CA10: variants seen among roughly 807,000 people sequenced by gnomAD.
CA10 encodes carbonic anhydrase 10 (inactive), also known as carbonic anhydrase-related protein 10.
Under a neutral mutation model 44.2 loss-of-function variants are expected in CA10, and 14 were observed. The observed-to-expected ratio is 0.32, with a 90% CI of 0.21 to 0.50. The LOEUF (loss-of-function observed/expected upper bound fraction) is 0.50, where lower values mean the gene tolerates loss of function less well. Among genes scored for constraint, CA10 ranks in the 20% least tolerant of loss-of-function variants. The probability of loss-of-function intolerance (pLI) is 0.99; values close to 1 mark genes in which losing one functional copy is unlikely to be tolerated. For missense variants in CA10, 350 were observed against 409.7 expected (o/e 0.85, Z 1.26); for synonymous variants, 159 against 141.6 (o/e 1.12, Z -0.87).
chr17:51,719,730 T>C (rs1916289677), intron 4 of CA10, among the ~76,000 whole-genome samples: 1 of 151,312 alleles, frequency 6.6e-6, no homozygotes, highest in African/African-American at 2.4e-5. Context: ...TTACAAAAAG[T>C]AAAAAAAAGT....
intron 2 of CA10, among the ~76,000 whole-genome samples, chr17:52,052,540 T>A (rs2191405): frequency 0.11 from 17,407 of 152,002 alleles, 1,063 homozygotes; most frequent in South Asian, 0.21. Context: ...AATGAATACA[T>A]AACAACTTCA....
intron 4 of CA10, among the ~76,000 whole-genome samples, chr17:51,655,841 T>C (rs1002847555): frequency 6.6e-6 from 1 of 152,180 alleles, no homozygotes; most frequent in Admixed American, 6.5e-5. Context: ...CCTATTTGCT[T>C]ATTGCTTTTT....
At position 51,652,722 on chromosome 17, in the gene CA10, A is replaced by G. The variant is rs552408711; in HGVS notation, c.561+919T>C. 7.4e-4 allele frequency among the ~76,000 whole-genome samples: 113 copies of G among 152,288 alleles called. No individual in the cohort carries two copies. The South Asian group carries it at 0.016, about 22-fold the overall frequency. On this transcript the variant is annotated intron_variant, in intron 5 of 8. Transcript: ENST00000451037. ...CCCCAGGTGCCCATTCTTCTGAGTA[A>G]TAATGATGTCATCATGACAGCCCTG...
intron 4 of CA10, among the ~76,000 whole-genome samples, chr17:51,682,213 A>T (rs1342589970): frequency 2.6e-5 from 4 of 152,218 alleles, no homozygotes; most frequent in Non-Finnish European, 5.9e-5. Context: ...TTTTCCGGGC[A>T]GAGTCTGCCA....
At chr17:52,065,243 C>G (rs183458905) in intron 2 of CA10, among the ~76,000 whole-genome samples, 2 of 152,334 alleles carry the variant, frequency 1.3e-5, no homozygotes, top group African/African-American at 4.8e-5. Context: ...GATCTCCAGA[C>G]TATTTCTACT....
intron 4 of CA10, among the ~76,000 whole-genome samples, chr17:51,724,851 C>T (rs1252114972): frequency 1.3e-5 from 2 of 152,156 alleles, no homozygotes; most frequent in Admixed American, 1.3e-4. Context: ...GGGCGCAGCA[C>T]ATTGGTGTGA....
intron 2 of CA10, among the ~76,000 whole-genome samples, chr17:51,974,977 T>C (rs1025823515): frequency 2.0e-5 from 3 of 152,192 alleles, no homozygotes; most frequent in Admixed American, 6.5e-5. Flanking sequence ...CATATCTAGT[T>C]GAAAGAATGA....
At chr17:51,984,793 C>T (rs573179384) in intron 2 of CA10, among the ~76,000 whole-genome samples, 1 of 152,042 alleles carries the variant, frequency 6.6e-6, no homozygotes, top group Non-Finnish European at 1.5e-5. Flanking sequence ...AAAATACAAC[C>T]TTTCCTGCTT....
rs369809136 is a variant in CA10 at position 52,158,214 on chromosome 17, C to T, written c.-428G>A. The stretch of plus-strand genomic sequence containing the variant: ...CGCCCCAAGAAGACATAGACGATAG[C>T]CCCCCGCCGGGCTGCGCCGTGCAAT... On this transcript the variant is annotated 5_prime_UTR_variant, in exon 1 of 9. Coordinates refer to ENST00000451037, the MANE Select transcript of CA10 (RefSeq NM_020178.5). The T allele has an allele frequency of 9.5e-5, 27 of 285,664 alleles. No individual in the cohort carries two copies. Among genetic ancestry groups the T allele is most frequent in the African/African-American group, 5.5e-4 (25 of 45,066 alleles). The allele number at this position is 285,664 out of a possible 1,614,324, so 17.7% of individuals were successfully genotyped here. A position where few individuals can be genotyped will look rare whatever the true frequency, so the allele number is the denominator to read the frequency against.
At chr17:52,101,823 C>T (rs1202880740) in intron 1 of CA10, among the ~76,000 whole-genome samples, 6 of 152,100 alleles carry the variant, frequency 3.9e-5, no homozygotes, top group Admixed American at 3.3e-4. Flanking sequence ...TCAACTTAAA[C>T]ATATATAGCA....
At chr17:51,958,257 G>GTTTT (rs56021809) in intron 2 of CA10, among the ~76,000 whole-genome samples, 2 of 146,580 alleles carry the variant, frequency 1.4e-5, no homozygotes, top group South Asian at 4.4e-4. Flanking sequence ...AAATAACTGA[G>GTTTT]TTTTTTTTTT....
At chr17:51,886,902 T>C (rs774705744) in intron 3 of CA10, among the ~76,000 whole-genome samples, 26 of 152,098 alleles carry the variant, frequency 1.7e-4, no homozygotes, top group Non-Finnish European at 3.8e-4. Context: ...CTTATGCCAT[T>C]AGCTCCCCGT....
At chr17:51,849,989 T>G (rs1411433143) in intron 3 of CA10, among the ~76,000 whole-genome samples, 1 of 152,224 alleles carries the variant, frequency 6.6e-6, no homozygotes, top group Non-Finnish European at 1.5e-5. Flanking sequence ...TAGAACTAGC[T>G]TCCCGAAGAC....
chr17:52,158,276 C>A lies in CA10; in HGVS notation c.-490G>T. On this transcript the variant is annotated 5_prime_UTR_variant, in exon 1 of 9. Transcript: ENST00000451037. The stretch of plus-strand genomic sequence containing the variant: ...GGGAGCGCGTAGCTCGCTGGCTAAG[C>A]CCAGGCAGTCCGCGGCAAGTTGCCC... The A allele has an allele frequency of 4.6e-6, 1 of 216,504 alleles. No individual in the cohort carries two copies. Among genetic ancestry groups the A allele is most frequent in the South Asian group, 6.5e-5 (1 of 15,470 alleles). 13.4% of individuals were successfully genotyped at this position (216,504 alleles called of 1,614,324 possible). A position where few individuals can be genotyped will look rare whatever the true frequency, so the allele number is the denominator to read the frequency against.
chr17:51,813,915 C>T (rs79982711), intron 3 of CA10, among the ~76,000 whole-genome samples: 2,083 of 152,314 alleles, frequency 0.014, 60 homozygotes, highest in African/African-American at 0.048. Context: ...TTCAATGTTT[C>T]CAAGCTCTCA....
intron 1 of CA10, among the ~76,000 whole-genome samples, chr17:52,117,684 A>G (rs1988928021): frequency 6.6e-6 from 1 of 152,236 alleles, no homozygotes; most frequent in Non-Finnish European, 1.5e-5. Flanking sequence ...TTTACATTAC[A>G]GTTAAAAATT....
At chr17:51,789,989 G>T (rs539077794) in intron 3 of CA10, among the ~76,000 whole-genome samples, 4 of 152,292 alleles carry the variant, frequency 2.6e-5, no homozygotes, top group Non-Finnish European at 5.9e-5. Flanking sequence ...GGAGTCCACA[G>T]GTTGTGCCAG....
chr17:52,059,168 A>T (rs889617376), intron 2 of CA10, among the ~76,000 whole-genome samples: 1 of 152,174 alleles, frequency 6.6e-6, no homozygotes, highest in Non-Finnish European at 1.5e-5. Flanking sequence ...CCACTTACAA[A>T]CACTGATATT....
At chr17:51,828,475 T>G (rs1467374490) in intron 3 of CA10, among the ~76,000 whole-genome samples, 1 of 152,184 alleles carries the variant, frequency 6.6e-6, no homozygotes, top group African/African-American at 2.4e-5. Flanking sequence ...CTTAATGTAT[T>G]ATTGTCCCTA....
Sources: allele counts gnomAD v4.1 joint callset (sites outside exome capture counted in the v4.1 genomes callset), GRCh38; gene constraint gnomAD v4.1.1; transcripts MANE v1.5; gene names NCBI Gene and HGNC (gene_info 2026-07-23, HGNC 2026-07-21).